LRP1B: variants seen among roughly 807,000 people sequenced by gnomAD.
LRP1B encodes the protein low-density lipoprotein receptor-related protein 1B.
In LRP1B, 217 loss-of-function variants were observed where a neutral mutation model predicts 556.6. The ratio of observed to expected loss-of-function variants is 0.39; its 90% CI spans 0.35 to 0.44. The LOEUF (loss-of-function observed/expected upper bound fraction) is 0.44, where lower values mean the gene tolerates loss of function less well. LRP1B is among the 20% of genes least tolerant of loss of function. LRP1B has a pLI of 1.00. For missense variants in LRP1B, 5,053 were observed against 5,620.8 expected (o/e 0.90, Z 3.23); for synonymous variants, 2,047 against 1,865.8 (o/e 1.10, Z -2.50).
rs1431447253 is a variant in LRP1B, at chr2:140,897,339, C to T, written c.3766+5581G>A. Among the ~76,000 whole-genome samples the T allele has an allele frequency of 3.3e-5, 5 of 152,114 alleles. No individual in the cohort carries two copies. The East Asian group carries it at 9.7e-4, about 29-fold the overall frequency. On this transcript the variant is annotated intron_variant, in intron 23 of 90. Transcript: ENST00000389484. The stretch of plus-strand genomic sequence containing the variant: ...CCTGTTTTTCATGCCTCATTCTCTC[C>T]TTAGGCAAGCCACAGTAACCATAAC...
chr2:140,740,566 C>T (rs1027755673), intron 35 of LRP1B, among the ~76,000 whole-genome samples: 1 of 152,080 alleles, frequency 6.6e-6, no homozygotes, highest in South Asian at 2.1e-4. Flanking sequence ...GTGTATACTG[C>T]TCAGGTGATG....
At chr2:141,042,949 T>C (rs1698745574) in intron 11 of LRP1B, among the ~76,000 whole-genome samples, 1 of 150,416 alleles carries the variant, frequency 6.6e-6, no homozygotes, top group Admixed American at 6.7e-5. Context: ...CCCAGCACTT[T>C]GTGGGGCTCA....
At chr2:140,587,243 A>G (rs112477899) in intron 43 of LRP1B, among the ~76,000 whole-genome samples, 5,706 of 152,254 alleles carry the variant, frequency 0.037, 148 homozygotes, top group Middle Eastern at 0.068. Context: ...CCTAACATTC[A>G]TGTCAAAGAG....
chr2:141,680,726 A>G (rs1358854928), intron 2 of LRP1B, among the ~76,000 whole-genome samples: 2 of 152,210 alleles, frequency 1.3e-5, no homozygotes, highest in Admixed American at 1.3e-4. Context: ...CTGAGAGCTC[A>G]ATAAAGTTGC....
intron 5 of LRP1B, among the ~76,000 whole-genome samples, chr2:141,230,342 G>A (rs989516391): frequency 5.3e-5 from 8 of 152,264 alleles, no homozygotes; most frequent in African/African-American, 1.9e-4. Context: ...TCTCAGTAAT[G>A]ACTGCTACTA....
At chr2:140,982,801 G>T (rs1470731511) in intron 17 of LRP1B, among the ~76,000 whole-genome samples, 2 of 151,308 alleles carry the variant, frequency 1.3e-5, no homozygotes, top group East Asian at 1.9e-4. Context: ...TAAATGATCT[G>T]CTGTATGCAG....
At chr2:140,693,549 T>C (rs1275758271) in intron 41 of LRP1B, among the ~76,000 whole-genome samples, 2 of 152,166 alleles carry the variant, frequency 1.3e-5, no homozygotes, top group African/African-American at 2.4e-5. Context: ...GCTATGGAAA[T>C]TGACTTTTTG....
chr2:141,000,474 T>C (rs1235310160), intron 15 of LRP1B, among the ~76,000 whole-genome samples: 3 of 152,054 alleles, frequency 2.0e-5, no homozygotes, highest in African/African-American at 7.2e-5. Context: ...ATACCCAGAA[T>C]ATGGTATAGG....
chr2:140,889,900 G>A (rs1693748253), intron 23 of LRP1B, among the ~76,000 whole-genome samples: 2 of 152,104 alleles, frequency 1.3e-5, no homozygotes, highest in Admixed American at 6.5e-5. Context: ...AAATGAAGAT[G>A]TGCATACACT....
chr2:142,129,321 G>A (rs972492376), intron 1 of LRP1B, among the ~76,000 whole-genome samples: 6 of 152,194 alleles, frequency 3.9e-5, no homozygotes, highest in Non-Finnish European at 7.3e-5. Flanking sequence ...TCACCAATAA[G>A]TGTCAGATTT....
In LRP1B at chr2:142,028,786, CAT is replaced by C. The variant is rs938473625; in HGVS notation, c.82+101860_82+101861del. On this transcript the variant is annotated intron_variant, in intron 1 of 90. Transcript: ENST00000389484. The stretch of plus-strand genomic sequence containing the variant: ...TAACATTTTGCACTCTCCTCAGCAA[CAT>C]ATGAGTTATAATTTCTTCATGCTCT... Among the ~76,000 whole-genome samples, 6 of 152,032 alleles carry C rather than the reference CAT, an allele frequency of 3.9e-5. No homozygotes were observed. The East Asian group carries it at 9.7e-4, about 25-fold the overall frequency.
chr2:140,596,964 T>A (rs1682466701), intron 43 of LRP1B, among the ~76,000 whole-genome samples: 2 of 152,194 alleles, frequency 1.3e-5, no homozygotes, highest in South Asian at 2.1e-4. Context: ...CAGTCTGAAG[T>A]CTTAATAAAT....
At chr2:141,636,665 CAT>C (rs1689117208) in intron 2 of LRP1B, among the ~76,000 whole-genome samples, 1 of 151,746 alleles carries the variant, frequency 6.6e-6, no homozygotes, top group Non-Finnish European at 1.5e-5. Context: ...AGTGGTAAAA[CAT>C]GTGAACTCAA....
rs1558813237 is a variant in LRP1B, at chr2:141,032,828, T to TACATACATACATACATACATAC, written c.1790-12727_1790-12726insGTATGTATGTATGTATGTATGT. Among the ~76,000 whole-genome samples the TACATACATACATACATACATAC allele has an allele frequency of 4.7e-5, 7 of 147,542 alleles. 1 individual carries two copies. Among genetic ancestry groups the TACATACATACATACATACATAC allele is most frequent in the Non-Finnish European group, 1.0e-4 (7 of 67,052 alleles). ...GTGTGTGTGTATATATATACATACA[T>TACATACATACATACATACATAC]ATATATATATATGCAGGCATATGTG... On this transcript the variant is annotated intron_variant, in intron 11 of 90. Coordinates refer to ENST00000389484, the MANE Select transcript of LRP1B (RefSeq NM_018557.3).
intron 84 of LRP1B, among the ~76,000 whole-genome samples, chr2:140,284,910 A>ACC (rs1553439324): frequency 9.4e-5 from 13 of 138,716 alleles, no homozygotes; most frequent in Admixed American, 2.9e-4. Flanking sequence ...CTATATACCT[A>ACC]TATACCTAGA....
Position 140,850,277 on chromosome 2 carries a change from A to G in LRP1B, c.4764T>C (p.Asp1588=), listed in dbSNP as rs772403995. 6.2e-7 allele frequency: 1 copy of G among 1,613,688 alleles called. No individual in the cohort carries two copies. Among genetic ancestry groups the G allele is most frequent in the Non-Finnish European group, 8.5e-7 (1 of 1,179,694 alleles). The part of the protein sequence containing the change: ...YARRSEIRGV[D]IDNPYFNFIT... ...TGAAGTTAAAGTATGGATTGTCAAT[A>G]TCCACTCCTCTGATTTCAGAACGTC... is the stretch of plus-strand genomic sequence containing the variant. Residue 1588 remains aspartate, a synonymous_variant, in exon 29 of 91, where the codon GAT becomes GAC. Transcript: ENST00000389484.
chr2:140,553,386 T>C (rs1680616071), intron 43 of LRP1B, among the ~76,000 whole-genome samples: 1 of 151,352 alleles, frequency 6.6e-6, no homozygotes, highest in Admixed American at 6.6e-5. Flanking sequence ...AAAGCATTGA[T>C]CTAAAATATT....
chr2:141,089,125 T>C (rs1407299310), intron 7 of LRP1B, among the ~76,000 whole-genome samples: 1 of 152,222 alleles, frequency 6.6e-6, no homozygotes, highest in Non-Finnish European at 1.5e-5. Flanking sequence ...TACGCAGCCA[T>C]GTGTAGCCTC....
chr2:140,800,552 A>G (rs1690473151), intron 32 of LRP1B, among the ~76,000 whole-genome samples: 2 of 152,198 alleles, frequency 1.3e-5, no homozygotes, highest in Admixed American at 1.3e-4. Flanking sequence ...ATAGAATTGT[A>G]AATTAAATAC....
Sources: allele counts gnomAD v4.1 joint callset (sites outside exome capture counted in the v4.1 genomes callset), GRCh38; gene constraint gnomAD v4.1.1; transcripts MANE v1.5; gene names NCBI Gene and HGNC (gene_info 2026-07-23, HGNC 2026-07-21).